Variants in NOX1 observed in about 807,000 individuals in gnomAD.
The protein encoded by NOX1 is NADH/NADPH mitogenic oxidase subunit P65-MOX.
NOX1 carries 34 observed loss-of-function variants against 42.5 expected under a neutral mutation model. The observed-to-expected ratio is 0.80, with a 90% CI of 0.61 to 1.07. The LOEUF is 1.07. Among genes scored for constraint, NOX1 ranks in the 50% least tolerant of loss-of-function variants. NOX1 has a pLI of 0.00. For synonymous variants in NOX1, 143 were observed against 152.5 expected (o/e 0.94, Z 0.46); for missense variants, 408 against 427.0 (o/e 0.96, Z 0.39).
chrX:100,866,488 CTGTGTGTG>C (rs36112590), intron 2 of NOX1, among the ~76,000 whole-genome samples: 6 of 96,700 alleles, frequency 6.2e-5, no homozygotes, highest in South Asian at 5.1e-4. Context: ...GTGTGTGTCC[CTGTGTGTG>C]TGTGTGTGTG....
At chrX:100,846,186 G>T (rs186208351) in intron 12 of NOX1, among the ~76,000 whole-genome samples, 1,330 of 111,930 alleles carry the variant, frequency 0.012, 18 homozygotes, top group African/African-American at 0.04. Flanking sequence ...CTCCCAAAGT[G>T]CTGGGATTAC....
chrX:100,849,769 T>C lies in NOX1; in HGVS notation c.1296+3A>G, dbSNP rs1214304519. Reference sequence around the variant, plus strand: ...AGAAGAAAAGTGATATACGGGATTATACCTTTTTTGTTTTGAGGTTGTGGT... The same window carrying C: ...AGAAGAAAAGTGATATACGGGATTACACCTTTTTTGTTTTGAGGTTGTGGT... On this transcript the variant is annotated splice_donor_region_variant and intron_variant, in intron 10 of 12. Transcript: ENST00000372966. 1 of 1,200,197 alleles carries C rather than the reference T, an allele frequency of 8.3e-7. No individual in the cohort carries two copies. Among genetic ancestry groups the C allele is most frequent in the Admixed American group, 2.3e-5 (1 of 44,206 alleles).
At position 100,850,379 on chromosome X, in the gene NOX1, A is replaced by G; in HGVS notation, c.905T>C (p.Met302Thr). 2.6e-6 allele frequency: 3 copies of G among 1,167,551 alleles called. No homozygotes were observed. The highest frequency in any genetic ancestry group is 3.0e-5 in the East Asian group (1 of 32,903). Reference protein sequence around the residue: ...QQKVVITKVVMHPSKVLELQM... With the variant: ...QQKVVITKVVTHPSKVLELQM... ...CAATTCCAAAACTTTGGATGGGTGC[A>G]TAACAACCTGTGAATGAAGCACATA... The change falls in exon 9 of 13, where the codon ATG becomes ACG. Residue 302 changes from methionine to threonine, a missense_variant. Transcript: ENST00000372966.
chrX:100,851,738 C>A (rs1367328706), intron 7 of NOX1, among the ~76,000 whole-genome samples: 2 of 111,249 alleles, frequency 1.8e-5, no homozygotes, highest in African/African-American at 3.3e-5. Flanking sequence ...CATAGCGAAA[C>A]CCTGTCTCTA....
intron 7 of NOX1, among the ~76,000 whole-genome samples, chrX:100,853,861 G>A (rs1476467975): frequency 1.8e-5 from 2 of 111,588 alleles, no homozygotes; most frequent in Admixed American, 1.9e-4. Flanking sequence ...AATGTTTCAA[G>A]GCCGGGTGCG....
rs780115954 is a variant in NOX1 at position 100,873,993 on chromosome X, C to A, written c.45+102G>T. 66 of 599,303 alleles carry A rather than the reference C, an allele frequency of 1.1e-4. No homozygotes were observed. The South Asian group carries it at 2.1e-3, about 19-fold the overall frequency. The allele number at this position is 599,303 out of a possible 1,213,427, so 49.4% of individuals were successfully genotyped here. A position where few individuals can be genotyped will look rare whatever the true frequency, so the allele number is the denominator to read the frequency against. ...AACTGGTCTTGATGAGCCCAATAAT[C>A]GGCATGGAATCATCTTTCTCTTTCA... is the stretch of plus-strand genomic sequence containing the variant. On this transcript the variant is annotated intron_variant, in intron 1 of 12. Transcript: ENST00000372966.
chrX:100,844,341 CTG>C lies in NOX1; in HGVS notation c.1569-265_1569-264del, dbSNP rs781616142. 2.7e-5 allele frequency among the ~76,000 whole-genome samples: 3 copies of C among 112,022 alleles called. No individual in the cohort carries two copies. The Admixed American group carries it at 2.8e-4, about 11-fold the overall frequency. Reference sequence around the variant, plus strand: ...GACAGTGCAGTGGCTAAGTGCCAGACTGTGCAGCCAGTCTGTCTGGGTTGTCT... The same window carrying C: ...GACAGTGCAGTGGCTAAGTGCCAGACTGCAGCCAGTCTGTCTGGGTTGTCT... On this transcript the variant is annotated intron_variant, in intron 12 of 12. Transcript: ENST00000372966.
In NOX1 at chrX:100,862,534, T is replaced by A. The variant is rs368354032; in HGVS notation, c.529A>T (p.Thr177Ser). 3.3e-6 allele frequency: 4 copies of A among 1,208,385 alleles called. No homozygotes were observed. Among genetic ancestry groups the A allele is most frequent in the Non-Finnish European group, 3.4e-6 (3 of 893,921 alleles). The change falls in exon 6 of 13, where the codon ACT becomes TCT. Residue 177 changes from threonine (T) to serine (S), a missense_variant. Thr to Ser is a moderately conservative substitution (Grantham distance 58, BLOSUM62 1). Transcript: ENST00000372966. Reference sequence around the variant, plus strand: ...AAGGCTATTGTCATGATCACTCCAGTGAGACCAGCAATGCTGGTGAATGTC... The same window carrying A: ...AAGGCTATTGTCATGATCACTCCAGAGAGACCAGCAATGCTGGTGAATGTC... ...YVTFTSIAGL[T>S]GVIMTIALIL...
chrX:100,870,253 T>TAA (rs560653397), intron 2 of NOX1, among the ~76,000 whole-genome samples: 9 of 91,535 alleles, frequency 9.8e-5, no homozygotes, highest in African/African-American at 2.4e-4. Flanking sequence ...TTCCTCCTTG[T>TAA]AAAAAAAAAA....
intron 7 of NOX1, among the ~76,000 whole-genome samples, 190 bp downstream of exon 7, chrX:100,861,980 TC>T (rs1360478419): frequency 2.7e-5 from 3 of 112,187 alleles, no homozygotes; most frequent in African/African-American, 9.7e-5. Context: ...CTCTTCAAGA[TC>T]CCCTTGTAAT....
intron 7 of NOX1, among the ~76,000 whole-genome samples, chrX:100,859,333 C>T (rs773918098): frequency 1.3e-4 from 14 of 111,853 alleles, no homozygotes; most frequent in Non-Finnish European, 2.6e-4. Context: ...ATTCAGTTTG[C>T]CAGTATTTTG....
At chrX:100,847,674 G>A (rs1267545607) in intron 12 of NOX1, among the ~76,000 whole-genome samples, 3 of 104,920 alleles carry the variant, frequency 2.9e-5, no homozygotes, top group Non-Finnish European at 5.8e-5. Context: ...GCTGAGGCAG[G>A]AGAATCGCTT....
At chrX:100,863,346 C>T (rs1040690096) in intron 3 of NOX1, 103 bp from the exon 4 acceptor site, 36 of 909,734 alleles carry the variant, frequency 4.0e-5, no homozygotes, top group Admixed American at 2.3e-5. Context: ...AATACTCACC[C>T]GCACTAACCC....
Position 100,861,637 on chromosome X carries a change from C to T in NOX1, c.804+534G>A, listed in dbSNP as rs201601555. Among the ~76,000 whole-genome samples, 3 of 111,611 alleles carry T rather than the reference C, an allele frequency of 2.7e-5. No individual in the cohort carries two copies. The East Asian group carries it at 8.4e-4, about 31-fold the overall frequency. ...CCCACTTCAAGAATGCTTTATTTCCCCCCAGAATTTGACTGGAATATCACG... is the reference window on the plus strand; with the variant it reads ...CCCACTTCAAGAATGCTTTATTTCCTCCCAGAATTTGACTGGAATATCACG... On this transcript the variant is annotated intron_variant, in intron 7 of 12. Coordinates refer to ENST00000372966, the MANE Select transcript of NOX1 (RefSeq NM_007052.5).
At chrX:100,866,092 C>T (rs1413601101) in intron 2 of NOX1, among the ~76,000 whole-genome samples, 2 of 110,315 alleles carry the variant, frequency 1.8e-5, no homozygotes, top group African/African-American at 3.3e-5. Flanking sequence ...CATGAAAGTT[C>T]GCACATGTAA....
intron 4 of NOX1, 46 bp from the exon 5 acceptor site, chrX:100,862,866 A>G (rs1164867298): frequency 2.7e-5 from 30 of 1,109,108 alleles, no homozygotes; most frequent in Non-Finnish European, 3.7e-5. Context: ...TCTCAGCAAC[A>G]TCATGGCAGG....
chrX:100,847,724 C>G (rs2085083205), intron 12 of NOX1, among the ~76,000 whole-genome samples: 1 of 102,854 alleles, frequency 9.7e-6, no homozygotes, highest in Admixed American at 1.1e-4. Context: ...AGAGATCGCA[C>G]CACTGCACTC....
intron 2 of NOX1, among the ~76,000 whole-genome samples, chrX:100,863,878 C>T (rs1272006300): frequency 2.7e-5 from 3 of 111,988 alleles, no homozygotes; most frequent in African/African-American, 9.7e-5. Flanking sequence ...TACATGTTAG[C>T]AAAACATTCT....
intron 7 of NOX1, among the ~76,000 whole-genome samples, chrX:100,854,344 A>G (rs1381996289): frequency 9.0e-6 from 1 of 111,577 alleles, no homozygotes; most frequent in African/African-American, 3.3e-5. Flanking sequence ...TTAAATGTTT[A>G]TGGAAGAAAC....
Sources: gnomAD v4.1 joint callset for allele counts (sites outside exome capture counted in the v4.1 genomes callset) on GRCh38, gnomAD v4.1.1 for gene constraint, MANE v1.5 for transcripts, NCBI Gene and HGNC (gene_info 2026-07-23, HGNC 2026-07-21) for gene names.